The following KCNK10 variants were observed in gnomAD, a reference collection of about 807,000 sequenced individuals.
KCNK10 encodes potassium two pore domain channel subfamily K member 10, also known as potassium channel subfamily K member 10.
A neutral mutation model predicts 47.7 loss-of-function variants in KCNK10; 25 were observed. The observed-to-expected ratio is 0.52, with a 90% CI of 0.38 to 0.73. KCNK10 has a LOEUF of 0.73. Ranked by LOEUF, KCNK10 falls within the 30% of genes least tolerant of loss-of-function variation. KCNK10 has a pLI of 0.00. For synonymous variants in KCNK10, 303 were observed against 285.6 expected (o/e 1.06, Z -0.61); for missense variants, 563 against 714.5 (o/e 0.79, Z 2.42).
At chr14:88,234,383 C>T (rs1348415308) in intron 3 of KCNK10, among the ~76,000 whole-genome samples, 3 of 152,188 alleles carry the variant, frequency 2.0e-5, no homozygotes, top group Non-Finnish European at 4.4e-5. Context: ...GGCAATTTTC[C>T]TTCATCCAAA....
At chr14:88,305,913 T>C (rs150477442) in intron 1 of KCNK10, among the ~76,000 whole-genome samples, 3 of 152,254 alleles carry the variant, frequency 2.0e-5, no homozygotes, top group Non-Finnish European at 4.4e-5. Context: ...GCTGAGGGAA[T>C]TGGGGTGTTT....
intron 5 of KCNK10, among the ~76,000 whole-genome samples, 185 bp downstream of exon 5, chr14:88,192,039 A>G (rs750945846): frequency 1.8e-4 from 28 of 152,230 alleles, no homozygotes; most frequent in Non-Finnish European, 3.5e-4. Flanking sequence ...CATAGCAGAA[A>G]AAAACCTATG....
intron 4 of KCNK10, among the ~76,000 whole-genome samples, chr14:88,221,727 G>A (rs1245746579): frequency 6.6e-6 from 1 of 152,146 alleles, no homozygotes; most frequent in Non-Finnish European, 1.5e-5. Flanking sequence ...GAAAACTAAT[G>A]TTCAACCAAA....
intron 4 of KCNK10, among the ~76,000 whole-genome samples, chr14:88,224,955 CT>C (rs1306890206): frequency 2.0e-5 from 3 of 152,186 alleles, no homozygotes; most frequent in African/African-American, 7.2e-5. Context: ...TAAATCCTCT[CT>C]TCCCAAGAGC....
chr14:88,187,798 T>G (rs1194489131), intron 6 of KCNK10, among the ~76,000 whole-genome samples, 169 bp downstream of exon 6: 4 of 152,134 alleles, frequency 2.6e-5, no homozygotes, highest in Non-Finnish European at 5.9e-5. Context: ...TATTCTATTC[T>G]CCTTAGCTTT....
At chr14:88,240,521 T>G (rs1205099483) in intron 3 of KCNK10, among the ~76,000 whole-genome samples, 182 bp downstream of exon 3, 1 of 152,244 alleles carries the variant, frequency 6.6e-6, no homozygotes, top group Non-Finnish European at 1.5e-5. Flanking sequence ...AAAGAGATAC[T>G]TCATTATGCT....
At chr14:88,283,538 G>A (rs1373841557) in intron 1 of KCNK10, among the ~76,000 whole-genome samples, 3 of 152,190 alleles carry the variant, frequency 2.0e-5, no homozygotes, top group Non-Finnish European at 2.9e-5. Context: ...AGAGGTGTGG[G>A]TTTCAAAAGT....
chr14:88,262,582 C>T (rs924708020), intron 2 of KCNK10, among the ~76,000 whole-genome samples: 1 of 152,176 alleles, frequency 6.6e-6, no homozygotes, highest in African/African-American at 2.4e-5. Context: ...CTTCCATTTT[C>T]CTAAGAATCT....
chr14:88,267,516 G>A (rs530671782), intron 1 of KCNK10, among the ~76,000 whole-genome samples: 18 of 151,916 alleles, frequency 1.2e-4, no homozygotes, highest in African/African-American at 3.6e-4. Flanking sequence ...GACTACAGGC[G>A]TGCACCACCA....
chr14:88,276,213 A>C (rs1228389179), intron 1 of KCNK10, among the ~76,000 whole-genome samples: 1 of 143,518 alleles, frequency 7.0e-6, no homozygotes, highest in African/African-American at 2.9e-5. Flanking sequence ...GGGTGATTAG[A>C]TGGTGAGGGC....
At chr14:88,264,368 C>T (rs933132531) in intron 1 of KCNK10, among the ~76,000 whole-genome samples, 2 of 152,228 alleles carry the variant, frequency 1.3e-5, no homozygotes, top group Admixed American at 1.3e-4. Flanking sequence ...CAACAACGAA[C>T]AGCCACTGCA....
intron 1 of KCNK10, among the ~76,000 whole-genome samples, chr14:88,307,959 A>T (rs746364101): frequency 3.3e-5 from 5 of 152,018 alleles, no homozygotes; most frequent in Admixed American, 6.5e-5. Context: ...CTCCCTAGGG[A>T]GCAGGTACTT....
chr14:88,315,397 A>AT (rs1404213370), intron 1 of KCNK10, among the ~76,000 whole-genome samples: 1 of 152,080 alleles, frequency 6.6e-6, no homozygotes, highest in African/African-American at 2.4e-5. Flanking sequence ...CCTCCCATCA[A>AT]TTTTTCTTAA....
intron 4 of KCNK10, among the ~76,000 whole-genome samples, chr14:88,209,435 A>G (rs1174043213): frequency 6.6e-6 from 1 of 152,242 alleles, no homozygotes; most frequent in Non-Finnish European, 1.5e-5. Context: ...CGAAGAAGAC[A>G]ACCTGCCTCC....
Position 88,318,935 on chromosome 14 carries a change from C to T in KCNK10, c.52+3812G>A, listed in dbSNP as rs530346589. On this transcript the variant is annotated intron_variant, in intron 1 of 6. Transcript: ENST00000319231. ...TGAGAGGAATACTATTTGCAGATCT[C>T]ACTGGTTTTAAAAAGATCTTAATAC... 1.2e-4 allele frequency among the ~76,000 whole-genome samples: 19 copies of T among 152,282 alleles called. No homozygotes were observed. The South Asian group carries it at 3.5e-3, about 28-fold the overall frequency.
At chr14:88,261,772 GAAA>G (rs5810405) in intron 2 of KCNK10, among the ~76,000 whole-genome samples, 1 of 140,804 alleles carries the variant, frequency 7.1e-6, no homozygotes, top group Non-Finnish European at 1.5e-5. Flanking sequence ...AAAAGAAAAA[GAAA>G]AAAAAAAAAG....
At chr14:88,266,841 G>T (rs897017111) in intron 1 of KCNK10, among the ~76,000 whole-genome samples, 5 of 152,192 alleles carry the variant, frequency 3.3e-5, no homozygotes, top group African/African-American at 1.2e-4. Context: ...GTGAGTGGAG[G>T]CTGGACTCCG....
At chr14:88,189,777 A>C (rs1440162760) in intron 5 of KCNK10, among the ~76,000 whole-genome samples, 1 of 152,184 alleles carries the variant, frequency 6.6e-6, no homozygotes, top group Non-Finnish European at 1.5e-5. Flanking sequence ...AACTCTTGTT[A>C]ATGTATCGTT....
intron 2 of KCNK10, among the ~76,000 whole-genome samples, chr14:88,251,785 G>T (rs2139904703): frequency 6.6e-6 from 1 of 152,284 alleles, no homozygotes; most frequent in Non-Finnish European, 1.5e-5. Context: ...CAGCCAAATT[G>T]CTTTCTAAGT....
Sources: allele counts gnomAD v4.1 joint callset (sites outside exome capture counted in the v4.1 genomes callset), GRCh38; gene constraint gnomAD v4.1.1; transcripts MANE v1.5; gene names NCBI Gene and HGNC (gene_info 2026-07-23, HGNC 2026-07-21).